The following NCAM2 variants were observed in gnomAD, a reference collection of about 807,000 sequenced individuals.
The protein encoded by NCAM2 is N-CAM-2.
NCAM2 carries 30 observed loss-of-function variants against 98.1 expected under a neutral mutation model. The observed-to-expected ratio is 0.31, with a 90% confidence interval of 0.23 to 0.41. The LOEUF is 0.41. Among genes scored for constraint, NCAM2 ranks in the 10% least tolerant of loss-of-function variants. The probability of loss-of-function intolerance (pLI) is 1.00; values close to 1 mark genes in which losing one functional copy is unlikely to be tolerated. For missense variants in NCAM2, 867 were observed against 1,005.8 expected (o/e 0.86, Z 1.87); for synonymous variants, 368 against 342.4 (o/e 1.07, Z -0.83).
At chr21:21,159,573 A>G (rs2067718787) in intron 1 of NCAM2, among the ~76,000 whole-genome samples, 1 of 152,184 alleles carries the variant, frequency 6.6e-6, no homozygotes, top group South Asian at 2.1e-4. Context: ...TATTTAGTAT[A>G]CTAACATGCT....
At chr21:21,073,106 C>A (rs1228875159) in intron 1 of NCAM2, among the ~76,000 whole-genome samples, 1 of 152,024 alleles carries the variant, frequency 6.6e-6, no homozygotes, top group African/African-American at 2.4e-5. Context: ...TTTCACTTAG[C>A]CTAATGACTT....
chr21:21,377,381 C>T (rs1357482008), intron 9 of NCAM2, among the ~76,000 whole-genome samples: 1 of 151,756 alleles, frequency 6.6e-6, no homozygotes, highest in Non-Finnish European at 1.5e-5. Context: ...TTGATCACTA[C>T]AATTTAGTTT....
In NCAM2 at chr21:21,185,809, G is replaced by A. The variant is rs555667645; in HGVS notation, c.56-94769G>A. 9.2e-5 allele frequency among the ~76,000 whole-genome samples: 14 copies of A among 152,186 alleles called. No individual in the cohort carries two copies. The South Asian group carries it at 2.7e-3, about 29-fold the overall frequency. On this transcript the variant is annotated intron_variant, in intron 1 of 17. Transcript: ENST00000400546. ...GCAGTAATGAGAAATAACATCTAAAGGAATATGCATAAAAGTGGGTAATTT... is the reference window on the plus strand; with the variant it reads ...GCAGTAATGAGAAATAACATCTAAAAGAATATGCATAAAAGTGGGTAATTT...
At chr21:21,434,034 C>T (rs1257953721) in intron 12 of NCAM2, among the ~76,000 whole-genome samples, 3 of 152,030 alleles carry the variant, frequency 2.0e-5, no homozygotes, top group Admixed American at 6.5e-5. Context: ...AGGTGCAGCA[C>T]GATGGAGAAT....
At chr21:21,302,619 G>T (rs79094632) in intron 5 of NCAM2, among the ~76,000 whole-genome samples, 2 of 152,046 alleles carry the variant, frequency 1.3e-5, no homozygotes, top group East Asian at 1.9e-4. Context: ...GTTGAAGGCT[G>T]CAGAGAAAAG....
intron 1 of NCAM2, among the ~76,000 whole-genome samples, chr21:21,147,421 A>G (rs1404914768): frequency 2.0e-5 from 3 of 151,692 alleles, no homozygotes; most frequent in Non-Finnish European, 2.9e-5. Context: ...TTAATTTTTT[A>G]TTTTTTGAGA....
intron 1 of NCAM2, among the ~76,000 whole-genome samples, chr21:21,218,806 G>A (rs148250087): frequency 4.9e-4 from 75 of 152,364 alleles, no homozygotes; most frequent in African/African-American, 1.7e-3. Context: ...CACTTTGGGA[G>A]ACCGAGGTGG....
chr21:21,372,999 A>G (rs1466731934), intron 8 of NCAM2, among the ~76,000 whole-genome samples: 1 of 151,872 alleles, frequency 6.6e-6, no homozygotes, highest in African/African-American at 2.4e-5. Context: ...GCTTTGCATT[A>G]TTAATAATGT....
intron 1 of NCAM2, among the ~76,000 whole-genome samples, chr21:21,083,880 A>T (rs776908542): frequency 6.6e-6 from 1 of 152,210 alleles, no homozygotes; most frequent in Non-Finnish European, 1.5e-5. Context: ...TTGATAAATT[A>T]TACCTATCTT....
At chr21:21,321,119 A>C (rs1348251731) in intron 5 of NCAM2, among the ~76,000 whole-genome samples, 1 of 152,188 alleles carries the variant, frequency 6.6e-6, no homozygotes, top group African/African-American at 2.4e-5. Flanking sequence ...GTGACTTTCT[A>C]ATGGACACAC....
chr21:21,109,929 A>G (rs2826655), intron 1 of NCAM2, among the ~76,000 whole-genome samples: 129,205 of 152,184 alleles, frequency 0.85, 55,355 homozygotes, highest in African/African-American at 0.96. Context: ...TTCAAGCTAA[A>G]TGTTAAATAG....
intron 1 of NCAM2, among the ~76,000 whole-genome samples, chr21:21,259,109 C>T (rs1199405355): frequency 1.3e-5 from 2 of 152,034 alleles, no homozygotes; most frequent in East Asian, 1.9e-4. Flanking sequence ...ACACTTTTTG[C>T]GGTGGCTCCA....
chr21:21,224,315 G>T (rs1042750358), intron 1 of NCAM2, among the ~76,000 whole-genome samples: 1 of 152,118 alleles, frequency 6.6e-6, no homozygotes, highest in African/African-American at 2.4e-5. Context: ...AGATGTTACT[G>T]TATTTCCACT....
intron 1 of NCAM2, among the ~76,000 whole-genome samples, chr21:21,229,118 A>G (rs2070512514): frequency 6.6e-6 from 1 of 151,458 alleles, no homozygotes; most frequent in Non-Finnish European, 1.5e-5. Context: ...TATGCTGCCC[A>G]CAAAACACAT....
chr21:21,530,279 TTAATTTAATTATATATAA>T (rs1989595057), intron 16 of NCAM2, among the ~76,000 whole-genome samples: 1 of 133,106 alleles, frequency 7.5e-6, no homozygotes, highest in African/African-American at 2.8e-5. Context: ...TATATATAAT[TTAATTTAATTATATATAA>T]TTAAATTAAA....
intron 1 of NCAM2, among the ~76,000 whole-genome samples, chr21:21,151,647 A>G (rs944885581): frequency 2.6e-5 from 4 of 151,976 alleles, no homozygotes; most frequent in Non-Finnish European, 5.9e-5. Flanking sequence ...TTGTGAAATG[A>G]TTCTTATTAT....
intron 5 of NCAM2, among the ~76,000 whole-genome samples, chr21:21,315,361 T>C (rs2074189814): frequency 6.6e-6 from 1 of 152,208 alleles, no homozygotes; most frequent in African/African-American, 2.4e-5. Flanking sequence ...TCCTACTCTA[T>C]GATCTCTGAC....
intron 15 of NCAM2, among the ~76,000 whole-genome samples, chr21:21,490,248 A>G (rs192136659): frequency 6.8e-6 from 1 of 146,482 alleles, no homozygotes; most frequent in Admixed American, 6.6e-5. Flanking sequence ...CAAGAAATGT[A>G]AAAAATAATT....
intron 1 of NCAM2, among the ~76,000 whole-genome samples, chr21:21,025,342 C>T (rs979182618): frequency 7.2e-5 from 11 of 152,152 alleles, no homozygotes; most frequent in Admixed American, 6.5e-4. Context: ...ACCTAGGCCT[C>T]CCAAAGTCCT....
Sources: gnomAD v4.1 joint callset for allele counts (sites outside exome capture counted in the v4.1 genomes callset) on GRCh38, gnomAD v4.1.1 for gene constraint, MANE v1.5 for transcripts, NCBI Gene and HGNC (gene_info 2026-07-23, HGNC 2026-07-21) for gene names.